Variants in BBX observed in about 807,000 individuals in gnomAD.
The protein encoded by BBX is HMG box transcription factor BBX.
BBX carries 30 observed loss-of-function variants against 100.2 expected under a neutral mutation model. The ratio of observed to expected loss-of-function variants is 0.30; its 90% CI spans 0.22 to 0.41. BBX has a LOEUF of 0.41. BBX is among the 10% of genes least tolerant of loss of function. The pLI is 1.00. For missense variants in BBX, 1,023 were observed against 1,129.8 expected, an observed-to-expected ratio of 0.91 and a Z score of 1.35; for synonymous variants, 376 against 388.1, an observed-to-expected ratio of 0.97 and a Z score of 0.37.
At chr3:107,738,265 G>A (rs1007713473) in intron 7 of BBX, among the ~76,000 whole-genome samples, 2 of 151,764 alleles carry the variant, frequency 1.3e-5, no homozygotes, top group African/African-American at 4.8e-5. Flanking sequence ...TATAATAAAA[G>A]TCATATTTTA....
intron 9 of BBX, among the ~76,000 whole-genome samples, chr3:107,750,071 T>TA (rs2064957345): frequency 6.6e-6 from 1 of 152,224 alleles, no homozygotes; most frequent in African/African-American, 2.4e-5. Flanking sequence ...ATGCCTTTCA[T>TA]AAACTAATTT....
chr3:107,689,565 A>G (rs1360697000), intron 3 of BBX, among the ~76,000 whole-genome samples: 1 of 152,202 alleles, frequency 6.6e-6, no homozygotes, highest in African/African-American at 2.4e-5. Context: ...CTGCAGCATC[A>G]ATATTTACAA....
At chr3:107,602,944 GTTTTT>G (rs1420213330) in intron 2 of BBX, among the ~76,000 whole-genome samples, 1 of 145,802 alleles carries the variant, frequency 6.9e-6, no homozygotes, top group Non-Finnish European at 1.6e-5. Flanking sequence ...TGATTCCAGT[GTTTTT>G]TTGTTTTGTT....
At chr3:107,791,966 A>G (rs1215766567) in intron 15 of BBX, among the ~76,000 whole-genome samples, 1 of 152,084 alleles carries the variant, frequency 6.6e-6, no homozygotes, top group African/African-American at 2.4e-5. Context: ...GTACCACTGC[A>G]CTCCAGCCTG....
chr3:107,796,238 A>C (rs983649958), intron 15 of BBX, among the ~76,000 whole-genome samples: 5 of 152,156 alleles, frequency 3.3e-5, no homozygotes, highest in African/African-American at 7.2e-5. Context: ...AAAGCAAGTC[A>C]TCTTTCCCAA....
At chr3:107,573,041 A>T (rs1426687089) in intron 2 of BBX, among the ~76,000 whole-genome samples, 2 of 152,244 alleles carry the variant, frequency 1.3e-5, no homozygotes, top group African/African-American at 4.8e-5. Context: ...CATTATTGGA[A>T]TGAGATCGTA....
intron 3 of BBX, among the ~76,000 whole-genome samples, chr3:107,704,232 A>T (rs764332800): frequency 2.6e-5 from 4 of 152,130 alleles, no homozygotes; most frequent in Non-Finnish European, 5.9e-5. Flanking sequence ...TCAGAATTTT[A>T]AAAAAAATTT....
chr3:107,770,455 A>G (rs913439466), intron 10 of BBX, among the ~76,000 whole-genome samples: 2 of 152,232 alleles, frequency 1.3e-5, no homozygotes, highest in Admixed American at 6.5e-5. Flanking sequence ...ACGAAGGGCT[A>G]TAGAAGTTGA....
At chr3:107,669,695 A>G (rs1282231491) in intron 3 of BBX, among the ~76,000 whole-genome samples, 1 of 152,132 alleles carries the variant, frequency 6.6e-6, no homozygotes, top group Non-Finnish European at 1.5e-5. Flanking sequence ...GGAAATATGC[A>G]TTTTTAATAG....
intron 9 of BBX, among the ~76,000 whole-genome samples, chr3:107,751,901 G>C (rs1371657404): frequency 6.6e-6 from 1 of 152,102 alleles, no homozygotes. Context: ...TTTCCTATCT[G>C]TGTCTTCTGT....
At chr3:107,626,146 T>A (rs1457904977) in intron 2 of BBX, among the ~76,000 whole-genome samples, 6 of 152,208 alleles carry the variant, frequency 3.9e-5, no homozygotes, top group Non-Finnish European at 8.8e-5. Flanking sequence ...TCTAAAAGTT[T>A]AGGAACATTA....
intron 10 of BBX, among the ~76,000 whole-genome samples, chr3:107,760,903 T>A (rs62262033): frequency 6.6e-6 from 1 of 152,140 alleles, no homozygotes; most frequent in Admixed American, 6.5e-5. Flanking sequence ...TATAGATTTC[T>A]GACTTCTGAA....
Position 107,526,336 on chromosome 3 carries a change from A to G in BBX, c.-146A>G, listed in dbSNP as rs550848241. ...ATTTGATACTTTATAGGTCACTATC[A>G]TATGACAAAGGCTTTGCCGCAGTTC... On this transcript the variant is annotated 5_prime_UTR_variant, in exon 2 of 18. Coordinates refer to ENST00000325805, the MANE Select transcript of BBX (RefSeq NM_001142568.3). 2.9e-4 allele frequency: 116 copies of G among 398,578 alleles called. No homozygotes were observed. Among genetic ancestry groups the G allele is most frequent in the South Asian group, 5.1e-4 (4 of 7,866 alleles). 24.7% of individuals were successfully genotyped at this position (398,578 alleles called of 1,614,324 possible). A position where few individuals can be genotyped will look rare whatever the true frequency, so the allele number is the denominator to read the frequency against.
At chr3:107,525,024 C>T (rs2047650163) in intron 1 of BBX, among the ~76,000 whole-genome samples, 1 of 150,794 alleles carries the variant, frequency 6.6e-6, no homozygotes, top group Admixed American at 6.6e-5. Flanking sequence ...GGGCGTTCTT[C>T]GCCATCTCCT....
chr3:107,666,050 A>T lies in BBX; in HGVS notation c.-10+20141A>T, dbSNP rs558488226. 2.3e-3 allele frequency among the ~76,000 whole-genome samples: 343 copies of T among 152,280 alleles called. 2 individuals are homozygous for T. Among genetic ancestry groups the T allele is most frequent in the African/African-American group, 7.9e-3 (330 of 41,550 alleles). ...ATTGCTAAACCACTTTCAAGGAGTT[A>T]TTTGACTCCAGATTCTCACGTGACT... On this transcript the variant is annotated intron_variant, in intron 3 of 17. Coordinates refer to ENST00000325805, the MANE Select transcript of BBX (RefSeq NM_001142568.3).
intron 2 of BBX, among the ~76,000 whole-genome samples, chr3:107,551,091 A>G (rs1473595902): frequency 6.6e-6 from 1 of 152,228 alleles, no homozygotes; most frequent in Non-Finnish European, 1.5e-5. Flanking sequence ...AAAATGTTAA[A>G]TAAAGTTATT....
rs1375315900 is a variant in BBX, at chr3:107,573,075, A to G, written c.-84+46677A>G. 2.6e-5 allele frequency among the ~76,000 whole-genome samples: 4 copies of G among 152,288 alleles called. No individual in the cohort carries two copies. In the East Asian group the frequency reaches 7.7e-4, roughly 29 times the overall value. On this transcript the variant is annotated intron_variant, in intron 2 of 17. Coordinates refer to ENST00000325805, the MANE Select transcript of BBX (RefSeq NM_001142568.3). ...TATTTACAATAATTAACCTACATCAATGCAACTATTTTTCAGTGTTTCAAA... is the reference window on the plus strand; with the variant it reads ...TATTTACAATAATTAACCTACATCAGTGCAACTATTTTTCAGTGTTTCAAA...
chr3:107,575,889 G>T (rs553373243), intron 2 of BBX, among the ~76,000 whole-genome samples: 75 of 152,188 alleles, frequency 4.9e-4, no homozygotes, highest in African/African-American at 1.7e-3. Flanking sequence ...AATGTGTTGA[G>T]GCCAGGCGTG....
intron 2 of BBX, among the ~76,000 whole-genome samples, chr3:107,539,130 A>G (rs2048702380): frequency 6.6e-6 from 1 of 152,108 alleles, no homozygotes; most frequent in African/African-American, 2.4e-5. Context: ...CTTTATCATA[A>G]TAATGTCCTT....
Sources: gnomAD v4.1 joint callset for allele counts (sites outside exome capture counted in the v4.1 genomes callset) on GRCh38, gnomAD v4.1.1 for gene constraint, MANE v1.5 for transcripts, NCBI Gene and HGNC (gene_info 2026-07-23, HGNC 2026-07-21) for gene names.